The following DST variants were observed in gnomAD, a reference collection of about 807,000 sequenced individuals.
DST encodes the protein dystonin.
A neutral mutation model predicts 875.2 loss-of-function variants in DST; 253 were observed. That is an observed-to-expected ratio of 0.29 (90% CI 0.26 to 0.32). DST has a LOEUF of 0.32. Among genes scored for constraint, DST ranks in the 10% least tolerant of loss-of-function variants. The pLI, the probability that DST is intolerant of heterozygous loss-of-function variation, is 1.00. For missense variants in DST, 8,287 were observed against 9,111.6 expected, an observed-to-expected ratio of 0.91 and a Z score of 3.68; for synonymous variants, 3,124 against 3,197.1, an observed-to-expected ratio of 0.98 and a Z score of 0.77.
At chr6:56,593,570 G>T in intron 48 of DST, 93 bp downstream of exon 48, 4 of 958,150 alleles carry the variant, frequency 4.2e-6, no homozygotes, top group Non-Finnish European at 4.4e-6. Context: ...CTCCTGTTTT[G>T]GATTTTAGGT....
intron 71 of DST, among the ~76,000 whole-genome samples, chr6:56,516,343 AT>A (rs2096594142): frequency 1.3e-5 from 2 of 152,158 alleles, no homozygotes; most frequent in African/African-American, 4.8e-5. Flanking sequence ...TCATAACTCA[AT>A]AAACCACAGA....
intron 4 of DST, among the ~76,000 whole-genome samples, chr6:56,753,860 T>C (rs1466443574): frequency 6.6e-6 from 1 of 152,208 alleles, no homozygotes; most frequent in Non-Finnish European, 1.5e-5. Flanking sequence ...TGGAGGCATA[T>C]TCATTAACTA....
chr6:56,462,377 A>G lies in DST; in HGVS notation c.23070+669T>C, dbSNP rs552708606. Among the ~76,000 whole-genome samples the G allele has an allele frequency of 3.3e-5, 5 of 152,322 alleles. No individual in the cohort carries two copies. In the South Asian group the frequency reaches 1.0e-3, roughly 32 times the overall value. On this transcript the variant is annotated intron_variant, in intron 102 of 103. Coordinates refer to ENST00000680361, the MANE Select transcript of DST (RefSeq NM_001374736.1). ...CTCCCCATATATCATGCCGTATTAA[A>G]AAGTTAGAGCATGCTTAAATTAGTT...
In DST at chr6:56,552,488, A is replaced by G. The variant is rs2097341184; in HGVS notation, c.16304T>C (p.Leu5435Pro). The change falls in exon 61 of 104, where the codon CTC becomes CCC. Residue 5435 changes from leucine (L) to proline (P), a missense_variant. This residue lies in a region of DST where 777 missense variants were observed against 764.8 expected (regional missense o/e 1.02). Coordinates refer to ENST00000680361, the MANE Select transcript of DST (RefSeq NM_001374736.1). Reference protein sequence around the residue: ...IKAFLKKLEALMASNDNANKT... With the variant: ...IKAFLKKLEAPMASNDNANKT... ...ATTGGCATTGTCATTGCTTGCCATG[A>G]GGGCTTCTAGTTTCTTTAGAAAGGC... 6 of 1,613,852 alleles carry G rather than the reference A, an allele frequency of 3.7e-6. No individual in the cohort carries two copies. Among genetic ancestry groups the G allele is most frequent in the Non-Finnish European group, 5.1e-6 (6 of 1,179,838 alleles).
chr6:56,580,322 G>A (rs187502313), intron 49 of DST, among the ~76,000 whole-genome samples: 2 of 152,048 alleles, frequency 1.3e-5, no homozygotes, highest in African/African-American at 2.4e-5. Flanking sequence ...CAACTTGGGA[G>A]GATCACTTGA....
At chr6:56,617,034 C>T in intron 36 of DST, 1 of 1,613,556 alleles carries the variant, frequency 6.2e-7, no homozygotes, top group Non-Finnish European at 8.5e-7. Context: ...TTTGTAGATT[C>T]TAGGTAAAGC....
chr6:56,738,829 C>T (rs1275149030), intron 4 of DST, among the ~76,000 whole-genome samples: 2 of 151,298 alleles, frequency 1.3e-5, no homozygotes, highest in African/African-American at 2.4e-5. Context: ...CGTCATGTTG[C>T]CCAGGCTGGT....
At chr6:56,745,739 T>G (rs531359793) in intron 4 of DST, among the ~76,000 whole-genome samples, 1 of 152,338 alleles carries the variant, frequency 6.6e-6, no homozygotes, top group Admixed American at 6.5e-5. Flanking sequence ...TAATAACTCC[T>G]ATTAATTAGT....
At chr6:56,629,589 T>A in intron 31 of DST, 146 bp from the exon 32 acceptor site, 1 of 670,658 alleles carries the variant, frequency 1.5e-6, no homozygotes, top group Non-Finnish European at 2.5e-6. Flanking sequence ...CACAATATTA[T>A]ATTAGTTCAA....
intron 4 of DST, among the ~76,000 whole-genome samples, chr6:56,782,920 T>G (rs2099697069): frequency 1.3e-5 from 2 of 152,236 alleles, no homozygotes; most frequent in Admixed American, 1.3e-4. Context: ...TCTGGTATGT[T>G]GTGACTTTGT....
intron 4 of DST, among the ~76,000 whole-genome samples, chr6:56,819,778 T>G (rs959727151): frequency 1.3e-5 from 2 of 152,222 alleles, no homozygotes; most frequent in African/African-American, 4.8e-5. Flanking sequence ...GACACTGTCC[T>G]TGCCTTCAAT....
At chr6:56,486,091 C>T (rs973288908) in intron 87 of DST, among the ~76,000 whole-genome samples, 8 of 152,130 alleles carry the variant, frequency 5.3e-5, no homozygotes, top group African/African-American at 1.4e-4. Context: ...GGGCCAGGCG[C>T]AGTGGCTCAC....
intron 2 of DST, among the ~76,000 whole-genome samples, chr6:56,902,201 C>T (rs559271596): frequency 2.0e-5 from 3 of 152,116 alleles, no homozygotes; most frequent in Non-Finnish European, 2.9e-5. Flanking sequence ...TATGAGGGTA[C>T]AAGCTAAATA....
Position 56,657,042 on chromosome 6 carries a change from T to TC in DST, c.1215-5799dup, listed in dbSNP as rs1478590651. 2.6e-5 allele frequency among the ~76,000 whole-genome samples: 4 copies of TC among 151,920 alleles called. No individual in the cohort carries two copies. In the South Asian group the frequency reaches 6.2e-4, roughly 24 times the overall value. On this transcript the variant is annotated intron_variant, in intron 10 of 103. Transcript: ENST00000680361. ...GGTTATCTGCATTTTAACAAGTTTC[T>TC]CCCCCCTCCCTCAGGTGATTCGTAT...
intron 15 of DST, chr6:56,643,005 T>C (rs977260325): frequency 2.2e-5 from 26 of 1,191,734 alleles, no homozygotes; most frequent in Admixed American, 3.0e-5. Context: ...ATTCGTTTGC[T>C]AGCTGAGGTT....
intron 2 of DST, 76 bp from the exon 3 acceptor site, chr6:56,900,697 C>T: frequency 8.9e-7 from 1 of 1,121,542 alleles, no homozygotes; most frequent in Non-Finnish European, 1.2e-6. Flanking sequence ...GCTAGTTATA[C>T]AAAGAGCTCC....
At position 56,471,214 on chromosome 6, in the gene DST, A is replaced by T. The variant is rs2094874230; in HGVS notation, c.22213T>A (p.Trp7405Arg). ...FDIWRKKYMR[W>R]MNHKKSRVMD... The stretch of plus-strand genomic sequence containing the variant: ...ACTCGAGATTTCTTGTGATTCATCC[A>T]TCGCATGTATTTTTTGCGCCAGATA... The change falls in exon 95 of 104, where the codon TGG becomes AGG. Residue 7405 changes from tryptophan to arginine, a missense_variant. Coordinates refer to ENST00000680361, the MANE Select transcript of DST (RefSeq NM_001374736.1). The T allele has an allele frequency of 2.5e-6, 4 of 1,602,048 alleles. No individual in the cohort carries two copies. Among genetic ancestry groups the T allele is most frequent in the Non-Finnish European group, 3.4e-6 (4 of 1,173,428 alleles).
intron 90 of DST, among the ~76,000 whole-genome samples, chr6:56,481,786 A>G (rs2152420718): frequency 6.6e-6 from 1 of 152,368 alleles, no homozygotes; most frequent in South Asian, 2.1e-4. Context: ...AGATAAATCA[A>G]TATGCTTCCT....
chr6:56,467,385 T>C (rs1213495754), intron 98 of DST: 2 of 152,134 alleles, frequency 1.3e-5, no homozygotes, highest in Admixed American at 6.6e-5. Context: ...CTAGAAAGCA[T>C]GTAAAATGCA....
Sources: gnomAD v4.1 joint callset for allele counts (sites outside exome capture counted in the v4.1 genomes callset) on GRCh38, gnomAD v4.1.1 for gene constraint, gnomAD v4.1.1 regional missense constraint, MANE v1.5 for transcripts, NCBI Gene and HGNC (gene_info 2026-07-23, HGNC 2026-07-21) for gene names.